The following FGFR2 variants were observed in gnomAD, a reference collection of about 807,000 sequenced individuals.
The protein encoded by FGFR2 is BEK fibroblast growth factor receptor.
In FGFR2, 19 loss-of-function variants were observed where a neutral mutation model predicts 95.9. The ratio of observed to expected loss-of-function variants is 0.20; its 90% CI spans 0.14 to 0.29. The LOEUF (loss-of-function observed/expected upper bound fraction) is 0.29. Ranked by LOEUF, FGFR2 falls within the 10% of genes least tolerant of loss-of-function variation. The probability of loss-of-function intolerance (pLI) is 1.00; values close to 1 mark genes in which losing one functional copy is unlikely to be tolerated. For missense variants in FGFR2, 707 were observed against 1,056.9 expected, an observed-to-expected ratio of 0.67 and a Z score of 4.59; for synonymous variants, 392 against 393.3, an observed-to-expected ratio of 1.00 and a Z score of 0.04.
At chr10:121,487,255 G>T in intron 15 of FGFR2, 99 bp downstream of exon 15, 1 of 920,792 alleles carries the variant, frequency 1.1e-6, no homozygotes. Context: ...ACGAATGTGT[G>T]AAATGCAGCA....
rs551732559 is a variant in FGFR2, at chr10:121,560,594, A to G, written c.454+3908T>C. 1.8e-4 allele frequency among the ~76,000 whole-genome samples: 26 copies of G among 144,196 alleles called. 1 individual carries two copies. The South Asian group carries it at 5.8e-3, about 32-fold the overall frequency. The allele number at this position is 144,196 out of a possible 152,430, so 94.6% of individuals were successfully genotyped here. Reference sequence around the variant, plus strand: ...AGCACCACTGCACTCCAGCCTGGGCAACAGAGCAAGACTCCGTCCCCAAAA... The same window carrying G: ...AGCACCACTGCACTCCAGCCTGGGCGACAGAGCAAGACTCCGTCCCCAAAA... On this transcript the variant is annotated intron_variant, in intron 4 of 17. Coordinates refer to ENST00000358487, the MANE Select transcript of FGFR2 (RefSeq NM_000141.5).
chr10:121,548,337 T>C (rs1854873100), intron 5 of FGFR2, among the ~76,000 whole-genome samples: 1 of 140,296 alleles, frequency 7.1e-6, no homozygotes, highest in Non-Finnish European at 1.5e-5. Flanking sequence ...CATTTCCTTT[T>C]CCCTCCAGAA....
intron 2 of FGFR2, 24 bp downstream of exon 2, chr10:121,593,685 G>A (rs780115940): frequency 1.4e-5 from 22 of 1,605,366 alleles, no homozygotes; most frequent in Non-Finnish European, 1.7e-5. Flanking sequence ...AAACAAACCT[G>A]AAAAGTGAAA....
At chr10:121,523,298 C>G (rs1219260635) in intron 6 of FGFR2, among the ~76,000 whole-genome samples, 1 of 152,188 alleles carries the variant, frequency 6.6e-6, no homozygotes, top group Non-Finnish European at 1.5e-5. Context: ...TGGGCCCCTT[C>G]AGACGTCAGG....
At position 121,515,180 on chromosome 10, in the gene FGFR2, G is replaced by A. The variant is rs1438956733; in HGVS notation, c.1224C>T (p.Asp408=). 1 of 1,614,102 alleles carries A rather than the reference G, an allele frequency of 6.2e-7. No individual in the cohort carries two copies. The highest frequency in any genetic ancestry group is 8.5e-7 in the Non-Finnish European group (1 of 1,180,046). Reference sequence around the variant, plus strand: ...TGTGCACAGCCGGCTGGCTGCTGAAGTCTGGCTTCTTGGTCGTGTTCTTCA... The same window carrying A: ...TGTGCACAGCCGGCTGGCTGCTGAAATCTGGCTTCTTGGTCGTGTTCTTCA... ...CRMKNTTKKP[D]FSSQPAVHKL... is the part of the protein sequence containing the mutation. The change falls in exon 9 of 18, where the codon GAC becomes GAT. Residue 408 remains aspartate (D), a synonymous_variant. Transcript: ENST00000358487.
At chr10:121,592,868 G>A (rs2981581) in intron 2 of FGFR2, among the ~76,000 whole-genome samples, 3,183 of 152,160 alleles carry the variant, frequency 0.021, 88 homozygotes, top group East Asian at 0.065. Context: ...ATTACCACTC[G>A]AAAAATAACT....
intron 17 of FGFR2, chr10:121,482,294 GTTCCT>G (rs1187776663): frequency 4.8e-6 from 4 of 827,760 alleles, no homozygotes; most frequent in African/African-American, 1.7e-5. Context: ...CCCTTGAACC[GTTCCT>G]TTCCTTTCAA....
chr10:121,479,619 G>A lies in FGFR2; in HGVS notation c.*238C>T. 1.9e-6 allele frequency: 3 copies of A among 1,551,686 alleles called. No individual in the cohort carries two copies. The highest frequency in any genetic ancestry group is 2.6e-6 in the Non-Finnish European group (3 of 1,146,996). ...GCCAGTACGCACGGCAGGTGAGAGG[G>A]GTTACATGGTGGCTTGTGGCAGTCC... On this transcript the variant is annotated 3_prime_UTR_variant, in exon 18 of 18. Transcript: ENST00000358487.
Position 121,479,716 on chromosome 10 carries a change from T to C in FGFR2, c.*141A>G, listed in dbSNP as rs758066441. The C allele has an allele frequency of 6.2e-7, 1 of 1,602,780 alleles. No individual in the cohort carries two copies. Among genetic ancestry groups the C allele is most frequent in the Non-Finnish European group, 8.5e-7 (1 of 1,173,710 alleles). ...TCAACTGTATAAATCTTTACACATA[T>C]GCTGATTACTTTTCCAATTATTTAC... On this transcript the variant is annotated 3_prime_UTR_variant, in exon 18 of 18. Coordinates refer to ENST00000358487, the MANE Select transcript of FGFR2 (RefSeq NM_000141.5).
chr10:121,479,934 C>A lies in FGFR2; in HGVS notation c.2389G>T (p.Val797Phe), dbSNP rs2133681742. 6.8e-6 allele frequency: 11 copies of A among 1,614,130 alleles called. No individual in the cohort carries two copies. Among genetic ancestry groups the A allele is most frequent in the Non-Finnish European group, 8.5e-6 (10 of 1,180,028 alleles). The change falls in exon 18 of 18, where the codon GTT (valine) becomes TTT (phenylalanine). Residue 797 changes from valine to phenylalanine, a missense_variant. By Grantham distance (50) the Val-to-Phe change is conservative (BLOSUM62 -1). Around this residue, in one of 7 missense-constraint regions of FGFR2, gnomAD observed 51 missense variants for 50.2 expected, o/e 1.01. Coordinates refer to ENST00000358487, the MANE Select transcript of FGFR2 (RefSeq NM_000141.5). ...RSSCSSGDDS[V>F]FSPDPMPYEP... ...TAAGGCATGGGGTCTGGAGAAAAAACAGAATCATCTCCTGAAGAACAAGAA... is the reference window on the plus strand; with the variant it reads ...TAAGGCATGGGGTCTGGAGAAAAAAAAGAATCATCTCCTGAAGAACAAGAA...
At chr10:121,502,539 C>G (rs929630675) in intron 10 of FGFR2, among the ~76,000 whole-genome samples, 1 of 152,180 alleles carries the variant, frequency 6.6e-6, no homozygotes, top group African/African-American at 2.4e-5. Flanking sequence ...TCACGTGAAT[C>G]AAAATCAGAA....
chr10:121,566,235 T>G (rs1857653123), intron 2 of FGFR2, among the ~76,000 whole-genome samples: 1 of 152,142 alleles, frequency 6.6e-6, no homozygotes, highest in Admixed American at 6.5e-5. Flanking sequence ...ACAAGATTTT[T>G]TGCCATCCAG....
intron 6 of FGFR2, among the ~76,000 whole-genome samples, chr10:121,528,357 A>G (rs1851658682): frequency 6.6e-6 from 1 of 152,168 alleles, no homozygotes; most frequent in African/African-American, 2.4e-5. Flanking sequence ...ATTGTTTAAT[A>G]TGATTAAACG....
At chr10:121,499,743 G>A (rs1847348138) in intron 11 of FGFR2, among the ~76,000 whole-genome samples, 1 of 152,270 alleles carries the variant, frequency 6.6e-6, no homozygotes, top group Non-Finnish European at 1.5e-5. Context: ...GCCTCAGTCA[G>A]TGGTGCCATG....
rs199703841 is a variant in FGFR2 at position 121,503,604 on chromosome 10, A to G, written c.1439+186T>C. ...CAAGTAGCTCTGCTTTCAAGGAGTT[A>G]TTTTTTTTTTTAAATCCATTTTTTT... is the stretch of plus-strand genomic sequence containing the variant. On this transcript the variant is annotated intron_variant, in intron 10 of 17. Coordinates refer to ENST00000358487, the MANE Select transcript of FGFR2 (RefSeq NM_000141.5). Among the ~76,000 whole-genome samples the G allele has an allele frequency of 2.7e-5, 4 of 148,468 alleles. No individual in the cohort carries two copies. In the East Asian group the frequency reaches 7.8e-4, roughly 29 times the overall value.
At chr10:121,488,237 T>A (rs1305318049) in intron 13 of FGFR2, 124 bp from the exon 14 acceptor site, 1 of 1,344,766 alleles carries the variant, frequency 7.4e-7, no homozygotes, top group African/African-American at 1.5e-5. Context: ...CCAGTTGCGG[T>A]ATACTATAAG....
At chr10:121,510,774 C>T (rs1848952118) in intron 9 of FGFR2, among the ~76,000 whole-genome samples, 4 of 110,126 alleles carry the variant, frequency 3.6e-5, no homozygotes, top group Admixed American at 2.7e-4. Flanking sequence ...CTTCACTGCC[C>T]TTGATTTATT....
In FGFR2 at chr10:121,554,554, TTTTAGCCAGGGTTTCACC is replaced by T. The variant is rs1855861563; in HGVS notation, c.455-3113_455-3096del. 4.8e-5 allele frequency among the ~76,000 whole-genome samples: 6 copies of T among 126,138 alleles called. 1 individual carries two copies. Among genetic ancestry groups the T allele is most frequent in the African/African-American group, 1.8e-4 (4 of 21,628 alleles). The allele number at this position is 126,138 out of a possible 152,430, so 82.8% of individuals were successfully genotyped here. A position where few individuals can be genotyped will look rare whatever the true frequency, so the allele number is the denominator to read the frequency against. On this transcript the variant is annotated intron_variant, in intron 4 of 17. Transcript: ENST00000358487. ...TTTTAGTAGAGACAGGGTTTCACCG[TTTTAGCCAGGGTTTCACC>T]GTTTTAGCCAGGATGGTCTGGATCT...
chr10:121,522,067 T>C (rs538127664), intron 6 of FGFR2, among the ~76,000 whole-genome samples: 32 of 152,262 alleles, frequency 2.1e-4, no homozygotes, highest in African/African-American at 7.5e-4. Flanking sequence ...TCCACTGATA[T>C]GAGGTATCTA....
Sources: allele counts gnomAD v4.1 joint callset (sites outside exome capture counted in the v4.1 genomes callset), GRCh38; gene constraint gnomAD v4.1.1; regional missense constraint gnomAD v4.1.1; transcripts MANE v1.5; gene names NCBI Gene and HGNC (gene_info 2026-07-23, HGNC 2026-07-21).